CRHR1: variants seen among roughly 807,000 people sequenced by gnomAD.
CRHR1 encodes corticotropin-releasing hormone receptor 1.
Under a neutral mutation model 56.0 loss-of-function variants are expected in CRHR1, and 28 were observed. The ratio of observed to expected loss-of-function variants is 0.50; its 90% CI spans 0.37 to 0.69. The LOEUF (loss-of-function observed/expected upper bound fraction) is 0.69, where lower values mean the gene tolerates loss of function less well. Among genes scored for constraint, CRHR1 ranks in the 30% least tolerant of loss-of-function variants. CRHR1 has a pLI of 0.00. For synonymous variants in CRHR1, 195 were observed against 216.5 expected (o/e 0.90, Z 0.87); for missense variants, 376 against 548.0 (o/e 0.69, Z 3.13).
intron 1 of CRHR1, among the ~76,000 whole-genome samples, chr17:45,792,464 C>A (rs138059185): frequency 6.6e-6 from 1 of 152,158 alleles, no homozygotes; most frequent in Non-Finnish European, 1.5e-5. Context: ...TAATCTCTTG[C>A]TCCTCACTCC....
chr17:45,803,757 C>CGTGTGTGTGTGTGT (rs553066030), intron 1 of CRHR1, among the ~76,000 whole-genome samples: 410 of 129,540 alleles, frequency 3.2e-3, no homozygotes, highest in African/African-American at 8.6e-3. Flanking sequence ...AGAGAGAGTG[C>CGTGTGTGTGTGTGT]GTGTGTGTGT....
Position 45,784,915 on chromosome 17 carries a change from C to T in CRHR1, c.33+338C>T, listed in dbSNP as rs2061305237. Among the ~76,000 whole-genome samples, 1 of 152,142 alleles carries T rather than the reference C, an allele frequency of 6.6e-6. No individual in the cohort carries two copies. The highest frequency in any genetic ancestry group is 2.4e-5 in the African/African-American group (1 of 41,454). ...GAGGGGAGGTTCCACCTCCCACGCC[C>T]TTCCTGCAGACCTCGGCCCCGGGAC... On this transcript the variant is annotated intron_variant, in intron 1 of 12. Coordinates refer to ENST00000314537, the MANE Select transcript of CRHR1 (RefSeq NM_004382.5). This position sits in a 1 kb window ranked among gnomAD's most constrained non-coding sequence, Gnocchi z 4.2.
intron 1 of CRHR1, among the ~76,000 whole-genome samples, chr17:45,803,027 G>A (rs1373714512): frequency 6.6e-6 from 1 of 152,146 alleles, no homozygotes; most frequent in Non-Finnish European, 1.5e-5. Context: ...ACTGGGAAAA[G>A]GGGTACATTG....
At chr17:45,811,110 A>G (rs1180693797) in intron 2 of CRHR1, among the ~76,000 whole-genome samples, 1 of 152,266 alleles carries the variant, frequency 6.6e-6, no homozygotes, top group African/African-American at 2.4e-5. Context: ...TAACTGGGAC[A>G]GAGCCAGGTT....
intron 5 of CRHR1, chr17:45,829,710 G>T: frequency 6.8e-7 from 1 of 1,465,056 alleles, no homozygotes; most frequent in Admixed American, 2.0e-5. Flanking sequence ...GGGGATGGTT[G>T]GGATCAGGAG....
In CRHR1 at chr17:45,830,536, G is replaced by A; in HGVS notation, c.675G>A (p.Arg225=). The change falls in exon 7 of 13, where the codon CGG becomes CGA. Residue 225 remains arginine (R), a synonymous_variant. Transcript: ENST00000314537. ...TAIVLTYSTD[R]LRKWMFICIG... is the part of the protein sequence containing the mutation. ...TCGTGCTCACCTACTCCACTGACCG[G>A]CTGCGCAAATGGATGTTCATCTGCA... 1 of 1,613,022 alleles carries A rather than the reference G, an allele frequency of 6.2e-7. No individual in the cohort carries two copies. The highest frequency in any genetic ancestry group is 8.5e-7 in the Non-Finnish European group (1 of 1,179,686).
At chr17:45,826,361 T>C (rs887998385) in intron 4 of CRHR1, 3 of 152,296 alleles carry the variant, frequency 2.0e-5, no homozygotes, top group Admixed American at 6.5e-5. Flanking sequence ...TCTGTCTGGG[T>C]GTCGCAGGAT....
chr17:45,785,439 G>GT (rs1373222518), intron 1 of CRHR1, among the ~76,000 whole-genome samples: 4 of 152,262 alleles, frequency 2.6e-5, no homozygotes, highest in Admixed American at 6.5e-5. Context: ...GTTTTGCAGG[G>GT]TATAGGCGCG....
chr17:45,828,581 C>T (rs1039663940), intron 4 of CRHR1, among the ~76,000 whole-genome samples: 4 of 152,196 alleles, frequency 2.6e-5, no homozygotes, highest in African/African-American at 4.8e-5. Context: ...GGGAGAGGAT[C>T]CTGCTCACTC....
At chr17:45,808,009 C>T (rs992048010) in intron 2 of CRHR1, among the ~76,000 whole-genome samples, 8 of 152,116 alleles carry the variant, frequency 5.3e-5, no homozygotes, top group African/African-American at 1.9e-4. Flanking sequence ...TGGAGAGGGT[C>T]CCTGCACCTG....
In CRHR1 at chr17:45,816,547, C is replaced by T; in HGVS notation, c.206C>T (p.Pro69Leu). 1 of 1,614,182 alleles carries T rather than the reference C, an allele frequency of 6.2e-7. No individual in the cohort carries two copies. Among genetic ancestry groups the T allele is most frequent in the Non-Finnish European group, 8.5e-7 (1 of 1,180,026 alleles). Residue 69 changes from proline (P) to leucine (L), a missense_variant, in exon 3 of 13, where the codon CCT becomes CTT. By Grantham distance (98) the Pro-to-Leu change is moderately conservative (BLOSUM62 -3). Around this residue, in one of 2 missense-constraint regions of CRHR1, gnomAD observed 369 missense variants for 519.5 expected, o/e 0.71. Coordinates refer to ENST00000314537, the MANE Select transcript of CRHR1 (RefSeq NM_004382.5). ...PAGQLVVRPC[P>L]AFFYGVRYNT... ...GGGCAGCTAGTGGTTCGGCCCTGCC[C>T]TGCCTTTTTCTATGGTGTCCGCTAC...
At chr17:45,788,912 C>T (rs1411483013) in intron 1 of CRHR1, among the ~76,000 whole-genome samples, 6 of 152,086 alleles carry the variant, frequency 3.9e-5, no homozygotes, top group Admixed American at 2.0e-4. Context: ...GATGTCAGGT[C>T]GAAACAGAAG....
intron 1 of CRHR1, among the ~76,000 whole-genome samples, chr17:45,806,612 GGT>G (rs149163877): frequency 4.0e-4 from 60 of 151,798 alleles, no homozygotes; most frequent in African/African-American, 1.2e-3. Context: ...CCGGTGGGAG[GGT>G]GTGTGTGTGT....
At chr17:45,833,570 CT>C (rs776901210) in intron 10 of CRHR1, 33 bp downstream of exon 10, 9 of 1,605,314 alleles carry the variant, frequency 5.6e-6, no homozygotes, top group South Asian at 5.5e-5. Context: ...AGGCCTCCCC[CT>C]GATGAAACCC....
At position 45,830,932 on chromosome 17, in the gene CRHR1, C is replaced by T. The variant is rs2062294281; in HGVS notation, c.762C>T (p.Asp254=). ...VAWAIGKLYY[D]NEKCWFGKRP... ...GGGCCATTGGGAAGCTGTACTACGA[C>T]AATGAGAAGTAAGTCATCTCCTTTC... Residue 254 remains aspartate, a synonymous_variant, in exon 8 of 13, where the codon GAC becomes GAT. Transcript: ENST00000314537. The T allele has an allele frequency of 6.2e-7, 1 of 1,613,870 alleles. No individual in the cohort carries two copies. Among genetic ancestry groups the T allele is most frequent in the Admixed American group, 1.7e-5 (1 of 60,018 alleles).
At chr17:45,833,693 T>TGGGGGGGGGGCCGGC in intron 10 of CRHR1, 21 bp from the exon 11 acceptor site, 1 of 1,571,618 alleles carries the variant, frequency 6.4e-7, no homozygotes. Flanking sequence ...ACTCCGAGCC[T>TGGGGGGGGGGCCGGC]CCCCACCCGC....
At chr17:45,833,693 T>TCGCC in intron 10 of CRHR1, 21 bp from the exon 11 acceptor site, 1 of 1,571,608 alleles carries the variant, frequency 6.4e-7, no homozygotes, top group Non-Finnish European at 8.7e-7. Flanking sequence ...ACTCCGAGCC[T>TCGCC]CCCCACCCGC....
chr17:45,788,524 C>G (rs1010162316), intron 1 of CRHR1, among the ~76,000 whole-genome samples: 1 of 152,208 alleles, frequency 6.6e-6, no homozygotes, highest in Non-Finnish European at 1.5e-5. Context: ...CCTAAGTACT[C>G]TCTCTGGGCT....
intron 2 of CRHR1, among the ~76,000 whole-genome samples, chr17:45,811,478 A>G (rs573221132): frequency 2.6e-5 from 4 of 152,322 alleles, no homozygotes; most frequent in Non-Finnish European, 2.9e-5. Context: ...ACTTTAGTCC[A>G]CTTGACTCCA....
Sources: allele counts gnomAD v4.1 joint callset (sites outside exome capture counted in the v4.1 genomes callset), GRCh38; gene constraint gnomAD v4.1.1; regional missense constraint gnomAD v4.1.1; non-coding constraint Gnocchi (gnomAD v3.1); transcripts MANE v1.5; gene names NCBI Gene and HGNC (gene_info 2026-07-23, HGNC 2026-07-21).